Variants in FAM13A observed in about 807,000 individuals in gnomAD.
FAM13A encodes protein FAM13A.
FAM13A carries 76 observed loss-of-function variants against 129.6 expected under a neutral mutation model. The ratio of observed to expected loss-of-function variants is 0.59; its 90% confidence interval spans 0.49 to 0.71. The LOEUF (loss-of-function observed/expected upper bound fraction) is 0.71. Ranked by LOEUF, FAM13A falls within the 30% of genes least tolerant of loss-of-function variation. The pLI is 0.00. For missense variants in FAM13A, 1,108 were observed against 1,249.3 expected (o/e 0.89, Z 1.70); for synonymous variants, 443 against 449.9 (o/e 0.98, Z 0.20).
rs1751499804 is a variant in FAM13A, at chr4:88,923,487, T to C, written c.759+14601A>G. 3.3e-5 allele frequency among the ~76,000 whole-genome samples: 5 copies of C among 152,186 alleles called. No individual in the cohort carries two copies. The South Asian group carries it at 6.2e-4, about 19-fold the overall frequency. ...TCTCGAAAGATGCAGAAAAGGCCTT[T>C]GACAAAATTCAACAACCCTTCATGC... On this transcript the variant is annotated intron_variant, in intron 5 of 23. Coordinates refer to ENST00000264344, the MANE Select transcript of FAM13A (RefSeq NM_014883.4).
intron 7 of FAM13A, among the ~76,000 whole-genome samples, chr4:88,849,407 C>T (rs1737179453): frequency 6.6e-6 from 1 of 152,134 alleles, no homozygotes; most frequent in South Asian, 2.1e-4. Context: ...TCATTGGCTT[C>T]GTATTACCTC....
chr4:88,822,035 GT>G (rs1320274319), intron 7 of FAM13A, among the ~76,000 whole-genome samples: 18 of 151,584 alleles, frequency 1.2e-4, no homozygotes, highest in South Asian at 8.4e-4. Flanking sequence ...TTTTTGTCTA[GT>G]TTTTTTTATC....
chr4:88,893,642 G>GAATA (rs55794702), intron 6 of FAM13A, among the ~76,000 whole-genome samples: 3,124 of 126,142 alleles, frequency 0.025, 66 homozygotes, highest in African/African-American at 0.054. Flanking sequence ...ATGAATGAAT[G>GAATA]AATAAATAAA....
At chr4:88,735,306 T>A (rs1005175732) in intron 21 of FAM13A, among the ~76,000 whole-genome samples, 1 of 152,254 alleles carries the variant, frequency 6.6e-6, no homozygotes, top group African/African-American at 2.4e-5. Flanking sequence ...CTATACATTT[T>A]AAATTACATA....
At chr4:88,809,470 GT>G (rs1244249553) in intron 7 of FAM13A, among the ~76,000 whole-genome samples, 1 of 152,054 alleles carries the variant, frequency 6.6e-6, no homozygotes, top group Non-Finnish European at 1.5e-5. Context: ...TAAGAATTCG[GT>G]CCCATTCATT....
chr4:88,752,834 A>G (rs1222748213), intron 14 of FAM13A, among the ~76,000 whole-genome samples: 2 of 152,214 alleles, frequency 1.3e-5, no homozygotes, highest in East Asian at 3.8e-4. Context: ...TTCTGTCATG[A>G]TATTTCATAA....
intron 4 of FAM13A, among the ~76,000 whole-genome samples, chr4:88,983,992 T>C (rs1761943529): frequency 6.6e-6 from 1 of 152,200 alleles, no homozygotes. Context: ...AGTTCAGATA[T>C]AAGCCCCAAT....
chr4:89,001,895 G>A (rs570567998), intron 3 of FAM13A, among the ~76,000 whole-genome samples: 2 of 152,056 alleles, frequency 1.3e-5, no homozygotes, highest in East Asian at 1.9e-4. Flanking sequence ...CTATTATTAC[G>A]GTGGTTTTCT....
chr4:88,910,852 G>A (rs548383679), intron 5 of FAM13A, among the ~76,000 whole-genome samples: 3 of 151,956 alleles, frequency 2.0e-5, no homozygotes, highest in Non-Finnish European at 4.4e-5. Context: ...GTTTCACCAC[G>A]TTGGCCAGGA....
rs968732087 is a variant in FAM13A at position 88,751,439 on chromosome 4, T to C, written c.1727-802A>G. 3.9e-5 allele frequency among the ~76,000 whole-genome samples: 6 copies of C among 152,310 alleles called. No homozygotes were observed. In the East Asian group the frequency reaches 9.6e-4, roughly 24 times the overall value. ...TCATCCAGTAAGCTGTTTTGTGTGC[T>C]TCTGCTTAAGTGTGTTGGGATTAGC... On this transcript the variant is annotated intron_variant, in intron 14 of 23. Coordinates refer to ENST00000264344, the MANE Select transcript of FAM13A (RefSeq NM_014883.4).
intron 4 of FAM13A, among the ~76,000 whole-genome samples, chr4:88,974,454 AC>A (rs1167604380): frequency 6.6e-6 from 1 of 152,038 alleles, no homozygotes; most frequent in East Asian, 1.9e-4. Context: ...TAGACCAGGA[AC>A]CAAAAGTCAC....
intron 6 of FAM13A, among the ~76,000 whole-genome samples, chr4:88,876,308 T>G (rs1194834282): frequency 6.6e-6 from 1 of 151,872 alleles, no homozygotes; most frequent in African/African-American, 2.4e-5. Context: ...AAAAAAAGAA[T>G]TGCATTCTAA....
chr4:88,931,839 CAT>C (rs1248985889), intron 5 of FAM13A, among the ~76,000 whole-genome samples: 3 of 152,222 alleles, frequency 2.0e-5, no homozygotes, highest in South Asian at 4.1e-4. Context: ...AAAATGATAA[CAT>C]ATAGATTTTG....
At position 88,880,601 on chromosome 4, in the gene FAM13A, G is replaced by C. The variant is rs375842666; in HGVS notation, c.843+25778C>G. 1.9e-4 allele frequency among the ~76,000 whole-genome samples: 29 copies of C among 152,238 alleles called. 2 individuals are homozygous for C. The highest frequency in any genetic ancestry group is 7.0e-4 in the African/African-American group (29 of 41,538). ...GTTTCCTGGACAGAATCTGAGGAAG[G>C]GGGCATTGGAATCAGGAGTGCAGAC... On this transcript the variant is annotated intron_variant, in intron 6 of 23. Transcript: ENST00000264344.
chr4:89,029,408 G>T, intron 2 of FAM13A, 52 bp downstream of exon 2: 1 of 1,368,744 alleles, frequency 7.3e-7, no homozygotes. Context: ...CAAATAATTT[G>T]TTTATGCAAG....
intron 22 of FAM13A, 117 bp from the exon 23 acceptor site, chr4:88,731,545 T>C (rs967727021): frequency 1.7e-6 from 1 of 599,794 alleles, no homozygotes; most frequent in Non-Finnish European, 2.9e-6. Context: ...ATGCAGAAAC[T>C]GCTGAGAGCA....
chr4:88,910,750 A>G (rs1748976391), intron 5 of FAM13A, among the ~76,000 whole-genome samples: 1 of 151,846 alleles, frequency 6.6e-6, no homozygotes, highest in Non-Finnish European at 1.5e-5. Context: ...CCTGGGTTCA[A>G]GCGATTCTCC....
chr4:88,913,304 G>T (rs1749463850), intron 5 of FAM13A, among the ~76,000 whole-genome samples: 1 of 140,956 alleles, frequency 7.1e-6, no homozygotes, highest in African/African-American at 2.7e-5. Context: ...ACAGGAGGAA[G>T]AGGAAGAGGA....
chr4:88,841,757 A>G (rs1332313817), intron 7 of FAM13A, among the ~76,000 whole-genome samples: 2 of 152,162 alleles, frequency 1.3e-5, no homozygotes, highest in Non-Finnish European at 2.9e-5. Flanking sequence ...AAAAAAACAG[A>G]TGGTAACAAT....
Sources: gnomAD v4.1 joint callset for allele counts (sites outside exome capture counted in the v4.1 genomes callset) on GRCh38, gnomAD v4.1.1 for gene constraint, MANE v1.5 for transcripts, NCBI Gene and HGNC (gene_info 2026-07-23, HGNC 2026-07-21) for gene names.